The following SMAP1 variants were observed in gnomAD, a reference collection of about 807,000 sequenced individuals.
The protein encoded by SMAP1 is stromal membrane-associated protein 1.
In SMAP1, 24 loss-of-function variants were observed where a neutral mutation model predicts 58.5. The observed-to-expected ratio is 0.41, with a 90% confidence interval of 0.30 to 0.58. The LOEUF (loss-of-function observed/expected upper bound fraction) is 0.58. Ranked by LOEUF, SMAP1 falls within the 20% of genes least tolerant of loss-of-function variation. The pLI, the probability that SMAP1 is intolerant of heterozygous loss-of-function variation, is 0.29. For synonymous variants in SMAP1, 216 were observed against 196.6 expected, an observed-to-expected ratio of 1.10 and a Z score of -0.82; for missense variants, 563 against 566.3, an observed-to-expected ratio of 0.99 and a Z score of 0.06.
intron 1 of SMAP1, among the ~76,000 whole-genome samples, chr6:70,721,131 G>T (rs1043307979): frequency 6.6e-6 from 1 of 152,144 alleles, no homozygotes; most frequent in Non-Finnish European, 1.5e-5. Context: ...TAGAAAATGG[G>T]TTTTTCTTTT....
At chr6:70,786,787 G>C (rs1036556302) in intron 4 of SMAP1, among the ~76,000 whole-genome samples, 3 of 152,014 alleles carry the variant, frequency 2.0e-5, no homozygotes, top group African/African-American at 4.8e-5. Context: ...ACAAACCACT[G>C]CTCAACAAAA....
chr6:70,711,694 A>AT (rs1172429597), intron 1 of SMAP1, among the ~76,000 whole-genome samples: 6 of 151,662 alleles, frequency 4.0e-5, no homozygotes, highest in Non-Finnish European at 8.8e-5. Context: ...TGCCCGGCTA[A>AT]TTTTTGTGTT....
At chr6:70,743,053 A>G (rs1297388434) in intron 2 of SMAP1, among the ~76,000 whole-genome samples, 2 of 152,216 alleles carry the variant, frequency 1.3e-5, no homozygotes, top group African/African-American at 4.8e-5. Flanking sequence ...ACCAAACCAT[A>G]TCAGACTGGG....
chr6:70,772,525 A>G (rs1372591347), intron 3 of SMAP1, among the ~76,000 whole-genome samples: 1 of 152,298 alleles, frequency 6.6e-6, no homozygotes, highest in South Asian at 2.1e-4. Context: ...AGAGGAGCTC[A>G]TGTCACTAAA....
intron 1 of SMAP1, among the ~76,000 whole-genome samples, chr6:70,703,159 C>G (rs1767705006): frequency 6.6e-6 from 1 of 152,110 alleles, no homozygotes; most frequent in Non-Finnish European, 1.5e-5. Context: ...TGACTGCAAC[C>G]TCTGCCTTCT....
chr6:70,785,607 T>C (rs1043689858), intron 4 of SMAP1, among the ~76,000 whole-genome samples: 59 of 152,160 alleles, frequency 3.9e-4, no homozygotes, highest in African/African-American at 1.4e-3. Context: ...CAATAAAAAA[T>C]GATAAAGGGG....
chr6:70,670,916 A>G (rs907473901), intron 1 of SMAP1, among the ~76,000 whole-genome samples: 36 of 152,216 alleles, frequency 2.4e-4, no homozygotes, highest in Admixed American at 2.4e-3. Flanking sequence ...CGAAGGAGAA[A>G]AGGATGGCAT....
rs747648039 is a variant in SMAP1, at chr6:70,860,314, A to T, written c.1384A>T (p.Ser462Cys). ...WSGSSSGQTL[S>C]TQLWK ...TGGAAGCTCATCAGGTCAGACTCTC[A>T]GCACACAACTGTGGAAATGAAAACT... is the stretch of plus-strand genomic sequence containing the variant. The change falls in exon 11 of 11, where the codon AGC (serine) becomes TGC (cysteine). Residue 462 changes from serine (S) to cysteine (C), a missense_variant. By Grantham distance (112) the Ser-to-Cys change is moderately radical. Transcript: ENST00000370455. 6.2e-7 allele frequency: 1 copy of T among 1,610,580 alleles called. No individual in the cohort carries two copies. The highest frequency in any genetic ancestry group is 1.1e-5 in the South Asian group (1 of 90,140).
intron 4 of SMAP1, among the ~76,000 whole-genome samples, chr6:70,775,180 C>T (rs549102052): frequency 1.4e-4 from 21 of 151,856 alleles, no homozygotes; most frequent in South Asian, 6.2e-4. Context: ...AAATTAAGGC[C>T]GCTGTAAGCA....
rs966946620 is a variant in SMAP1, at chr6:70,861,139, T to C, written c.*805T>C. The C allele has an allele frequency of 6.1e-6, 1 of 164,412 alleles. No homozygotes were observed. The highest frequency in any genetic ancestry group is 2.4e-5 in the African/African-American group (1 of 42,002). The allele number at this position is 164,412 out of a possible 1,614,324, so 10.2% of individuals were successfully genotyped here. A position where few individuals can be genotyped will look rare whatever the true frequency, so the allele number is the denominator to read the frequency against. On this transcript the variant is annotated 3_prime_UTR_variant, in exon 11 of 11. Coordinates refer to ENST00000370455, the MANE Select transcript of SMAP1 (RefSeq NM_001044305.3). The stretch of plus-strand genomic sequence containing the variant: ...GGTGCCTAGTATTGACAAAATGTTA[T>C]TTCCCTACATTAAACATGACTCCAT...
chr6:70,816,133 C>G (rs959150033), intron 6 of SMAP1, among the ~76,000 whole-genome samples: 3 of 151,996 alleles, frequency 2.0e-5, no homozygotes. Flanking sequence ...TTATATTTGA[C>G]ATGAGCTTTG....
intron 10 of SMAP1, chr6:70,859,180 T>C: frequency 1.8e-6 from 1 of 544,978 alleles, no homozygotes; most frequent in East Asian, 3.0e-5. Flanking sequence ...TACAAGAATA[T>C]AGGTAAAACA....
chr6:70,844,494 A>C (rs941266634), intron 7 of SMAP1, among the ~76,000 whole-genome samples: 1 of 152,242 alleles, frequency 6.6e-6, no homozygotes, highest in African/African-American at 2.4e-5. Flanking sequence ...CTGGCACAGT[A>C]GACTGGCATT....
chr6:70,758,993 C>G (rs1442708249), intron 3 of SMAP1, among the ~76,000 whole-genome samples: 3 of 151,930 alleles, frequency 2.0e-5, no homozygotes, highest in Non-Finnish European at 2.9e-5. Flanking sequence ...GAGTCTGGAC[C>G]CTAGAAGAGA....
At chr6:70,855,135 G>C (rs536970664) in intron 8 of SMAP1, among the ~76,000 whole-genome samples, 1 of 139,698 alleles carries the variant, frequency 7.2e-6, no homozygotes, top group South Asian at 2.3e-4. Flanking sequence ...ACATACACAA[G>C]GGCTAAGTCC....
intron 4 of SMAP1, among the ~76,000 whole-genome samples, chr6:70,779,078 G>A (rs543717816): frequency 1.3e-5 from 2 of 152,356 alleles, no homozygotes; most frequent in African/African-American, 4.8e-5. Context: ...GTCACTGTCT[G>A]TGGTGGCAGC....
At chr6:70,688,212 AC>A (rs1267435354) in intron 1 of SMAP1, among the ~76,000 whole-genome samples, 1 of 152,102 alleles carries the variant, frequency 6.6e-6, no homozygotes, top group Non-Finnish European at 1.5e-5. Flanking sequence ...CTGTTGAAGG[AC>A]CTCTGGACTG....
intron 1 of SMAP1, among the ~76,000 whole-genome samples, chr6:70,687,317 C>T (rs1766974099): frequency 6.6e-6 from 1 of 152,076 alleles, no homozygotes; most frequent in African/African-American, 2.4e-5. Context: ...CACATTACAG[C>T]AGTTTCTCAA....
chr6:70,846,427 G>A (rs771946307), intron 7 of SMAP1, among the ~76,000 whole-genome samples: 28 of 152,178 alleles, frequency 1.8e-4, no homozygotes, highest in Non-Finnish European at 4.0e-4. Context: ...TGGTGCCAGC[G>A]AGGAGTAAAG....
Sources: gnomAD v4.1 joint callset for allele counts (sites outside exome capture counted in the v4.1 genomes callset) on GRCh38, gnomAD v4.1.1 for gene constraint, MANE v1.5 for transcripts, NCBI Gene and HGNC (gene_info 2026-07-23, HGNC 2026-07-21) for gene names.